Variants in CACNB1 observed in about 807,000 individuals in gnomAD.
The protein encoded by CACNB1 is calcium voltage-gated channel auxiliary subunit beta 1.
A neutral mutation model predicts 71.6 loss-of-function variants in CACNB1; 29 were observed. The ratio of observed to expected loss-of-function variants is 0.40; its 90% CI spans 0.30 to 0.55. CACNB1 has a LOEUF of 0.55. Ranked by LOEUF, CACNB1 falls within the 20% of genes least tolerant of loss-of-function variation. CACNB1 has a pLI of 0.38. For synonymous variants in CACNB1, 300 were observed against 319.6 expected (o/e 0.94, Z 0.65); for missense variants, 623 against 801.8 (o/e 0.78, Z 2.69).
At chr17:39,178,642 C>A (rs946484570) in intron 11 of CACNB1, among the ~76,000 whole-genome samples, 1 of 152,042 alleles carries the variant, frequency 6.6e-6, no homozygotes, top group African/African-American at 2.4e-5. Context: ...CTCAGCCTCT[C>A]AAAGTGCTGG....
intron 6 of CACNB1, chr17:39,185,944 A>G: frequency 6.2e-7 from 1 of 1,611,198 alleles, no homozygotes; most frequent in Non-Finnish European, 8.5e-7. Context: ...ACACAGCGAG[A>G]ATTACCTTCT....
At position 39,175,089 on chromosome 17, in the gene CACNB1, G is replaced by T; in HGVS notation, c.*104C>A. Reference sequence around the variant, plus strand: ...TTGAGCAAAGGCATCTGAAAGGAGGGAGACAGCGCCCCCTGGAGGCGAATA... The same window carrying T: ...TTGAGCAAAGGCATCTGAAAGGAGGTAGACAGCGCCCCCTGGAGGCGAATA... On this transcript the variant is annotated 3_prime_UTR_variant, in exon 14 of 14. Coordinates refer to ENST00000394303, the MANE Select transcript of CACNB1 (RefSeq NM_000723.5). This position sits in a 1 kb window ranked among gnomAD's most constrained non-coding sequence, Gnocchi z 4.7. The T allele has an allele frequency of 1.1e-6, 1 of 944,252 alleles. No individual in the cohort carries two copies. The allele number at this position is 944,252 out of a possible 1,614,324, so 58.5% of individuals were successfully genotyped here. A position where few individuals can be genotyped will look rare whatever the true frequency, so the allele number is the denominator to read the frequency against.
chr17:39,177,107 A>C (rs1597680133), intron 13 of CACNB1: 2 of 1,425,622 alleles, frequency 1.4e-6, no homozygotes, highest in Non-Finnish European at 1.8e-6. Flanking sequence ...GAAGCCCCAG[A>C]CCCATCAAAA....
chr17:39,177,603 G>C, intron 12 of CACNB1, 68 bp from the exon 13 acceptor site: 1 of 1,317,780 alleles, frequency 7.6e-7, no homozygotes, highest in Non-Finnish European at 1.0e-6. Flanking sequence ...TGAGGGTGTG[G>C]CCTGGGTGCA....
At position 39,186,578 on chromosome 17, in the gene CACNB1, T is replaced by C. The variant is rs1266188194; in HGVS notation, c.552-6A>G. 1.2e-6 allele frequency: 2 copies of C among 1,612,814 alleles called. No homozygotes were observed. Among genetic ancestry groups the C allele is most frequent in the African/African-American group, 1.3e-5 (1 of 74,844 alleles). On this transcript the variant is annotated splice_polypyrimidine_tract_variant and splice_region_variant and intron_variant, in intron 5 of 13. Transcript: ENST00000394303. This position sits in a 1 kb window ranked among gnomAD's most constrained non-coding sequence, Gnocchi z 4.1. ...TGGAGTTATCGCCTGATTTGCTGTGTGGGCAGAGGCAAACCGAGCTTGTGA... is the reference window on the plus strand; with the variant it reads ...TGGAGTTATCGCCTGATTTGCTGTGCGGGCAGAGGCAAACCGAGCTTGTGA...
At chr17:39,192,931 A>G (rs1375201099) in intron 2 of CACNB1, 1 of 152,656 alleles carries the variant, frequency 6.6e-6, no homozygotes, top group Non-Finnish European at 1.5e-5. Flanking sequence ...AGAAGGAGAG[A>G]AAACCAGCGT....
At position 39,177,548 on chromosome 17, in the gene CACNB1, G is replaced by A. The variant is rs759016283; in HGVS notation, c.1147-13C>T. ...TGTCAAACATTTCCTGTGAAGGCGG[G>A]GTTAGGGGGCAGGGCTGGGATGAGT... is the stretch of plus-strand genomic sequence containing the variant. On this transcript the variant is annotated splice_polypyrimidine_tract_variant and intron_variant, in intron 12 of 13. Transcript: ENST00000394303. 8 of 1,572,436 alleles carry A rather than the reference G, an allele frequency of 5.1e-6. No individual in the cohort carries two copies. Among genetic ancestry groups the A allele is most frequent in the South Asian group, 4.8e-5 (4 of 84,186 alleles).
chr17:39,193,574 T>C (rs988801330), intron 2 of CACNB1: 2 of 396,478 alleles, frequency 5.0e-6, no homozygotes, highest in Admixed American at 2.8e-5. Flanking sequence ...TTGCTACATG[T>C]GCAGACTGCT....
rs1438764645 is a variant in CACNB1 at position 39,186,290 on chromosome 17, G to C, written c.628+206C>G. 12 of 635,722 alleles carry C rather than the reference G, an allele frequency of 1.9e-5. No individual in the cohort carries two copies. Among genetic ancestry groups the C allele is most frequent in the Non-Finnish European group, 3.0e-5 (11 of 362,736 alleles). The allele number at this position is 635,722 out of a possible 1,614,324, so 39.4% of individuals were successfully genotyped here. Reference sequence around the variant, plus strand: ...GGCAGGGGAATCAGGCAGAGAGATGGAGCTACCAAAGAAAAGGGAGAGGAG... The same window carrying C: ...GGCAGGGGAATCAGGCAGAGAGATGCAGCTACCAAAGAAAAGGGAGAGGAG... On this transcript the variant is annotated intron_variant, in intron 6 of 13. Transcript: ENST00000394303. The surrounding 1 kb of genome is among the most constrained non-coding windows in gnomAD (Gnocchi z 4.1).
chr17:39,183,331 TAAA>T (rs35512848), intron 11 of CACNB1, among the ~76,000 whole-genome samples: 71 of 136,722 alleles, frequency 5.2e-4, no homozygotes, highest in African/African-American at 1.7e-3. Flanking sequence ...GATCCTGACT[TAAA>T]AAAAAGAAGA....
intron 6 of CACNB1, among the ~76,000 whole-genome samples, 169 bp from the exon 7 acceptor site, chr17:39,185,319 G>A (rs981285028): frequency 8.5e-5 from 13 of 152,194 alleles, no homozygotes; most frequent in African/African-American, 2.9e-4. Context: ...CAGAGACGGG[G>A]AACGGGACCC....
intron 1 of CACNB1, among the ~76,000 whole-genome samples, chr17:39,195,425 T>A (rs2046184247): frequency 6.6e-6 from 1 of 152,086 alleles, no homozygotes; most frequent in South Asian, 2.1e-4. Context: ...GGGCTGTTTG[T>A]GTTGGTGGCC....
intron 3 of CACNB1, among the ~76,000 whole-genome samples, chr17:39,189,379 A>AAATAAAAT (rs1391218765): frequency 6.0e-5 from 9 of 151,116 alleles, no homozygotes; most frequent in African/African-American, 1.9e-4. Flanking sequence ...AAATAAAATA[A>AAATAAAAT]AATAATAATA....
intron 1 of CACNB1, chr17:39,195,224 C>A: frequency 2.5e-6 from 1 of 394,810 alleles, no homozygotes; most frequent in Non-Finnish European, 4.5e-6. Context: ...CGGAAACCAC[C>A]AAACCAAGCC....
chr17:39,190,874 T>A (rs888158529), intron 3 of CACNB1, among the ~76,000 whole-genome samples: 3 of 152,166 alleles, frequency 2.0e-5, no homozygotes, highest in African/African-American at 7.2e-5. Context: ...ATTATCTTCC[T>A]TTTAATGTGA....
rs753729987 is a variant in CACNB1, at chr17:39,184,096, C to A, written c.833G>T (p.Arg278Leu). ...RVTADISLAK[R>L]SVLNNPSKHI... is the part of the protein sequence containing the mutation. ...TTTGCTGGGGTTGTTGAGAACTGAG[C>A]GCTTAGCCAGGGAAATATCTGCCGT... Residue 278 changes from arginine to leucine, a missense_variant, in exon 10 of 14, where the codon CGC (arginine) becomes CTC (leucine). Transcript: ENST00000394303. The A allele has an allele frequency of 6.2e-7, 1 of 1,613,606 alleles. No homozygotes were observed. Among genetic ancestry groups the A allele is most frequent in the South Asian group, 1.1e-5 (1 of 91,068 alleles).
chr17:39,183,363 A>AGAAGAAGAAGAAGAC (rs1158859684), intron 11 of CACNB1, among the ~76,000 whole-genome samples: 1 of 149,108 alleles, frequency 6.7e-6, no homozygotes, highest in African/African-American at 2.6e-5. Context: ...AAGAAGAAGA[A>AGAAGAAGAAGAAGAC]GAAAGGAAAG....
chr17:39,175,036 G>C lies in CACNB1; in HGVS notation c.*157C>G. 2 of 663,936 alleles carry C rather than the reference G, an allele frequency of 3.0e-6. No homozygotes were observed. Among genetic ancestry groups the C allele is most frequent in the Non-Finnish European group, 2.6e-6 (1 of 390,772 alleles). The allele number at this position is 663,936 out of a possible 1,614,324, so 41.1% of individuals were successfully genotyped here. A position where few individuals can be genotyped will look rare whatever the true frequency, so the allele number is the denominator to read the frequency against. On this transcript the variant is annotated 3_prime_UTR_variant, in exon 14 of 14. Coordinates refer to ENST00000394303, the MANE Select transcript of CACNB1 (RefSeq NM_000723.5). This position sits in a 1 kb window ranked among gnomAD's most constrained non-coding sequence, Gnocchi z 4.7. Reference sequence around the variant, plus strand: ...GGCTTAAGGGCCTCCCGGGAGCTGGGATGGTAACACCAAAGAAACCCCAAG... The same window carrying C: ...GGCTTAAGGGCCTCCCGGGAGCTGGCATGGTAACACCAAAGAAACCCCAAG...
chr17:39,182,996 G>T, intron 11 of CACNB1: 1 of 974,724 alleles, frequency 1.0e-6, no homozygotes, highest in Non-Finnish European at 1.2e-6. Context: ...GTGTTTCTCA[G>T]ATCCCCACTG....
Sources: gnomAD v4.1 joint callset for allele counts (sites outside exome capture counted in the v4.1 genomes callset) on GRCh38, gnomAD v4.1.1 for gene constraint, Gnocchi (gnomAD v3.1) non-coding constraint, MANE v1.5 for transcripts, NCBI Gene and HGNC (gene_info 2026-07-23, HGNC 2026-07-21) for gene names.